CNTN1: variants seen among roughly 807,000 people sequenced by gnomAD.
CNTN1 encodes the protein contactin-1.
A neutral mutation model predicts 126.4 loss-of-function variants in CNTN1; 38 were observed. The ratio of observed to expected loss-of-function variants is 0.30; its 90% CI spans 0.23 to 0.39. CNTN1 has a LOEUF of 0.39. Among genes scored for constraint, CNTN1 ranks in the 10% least tolerant of loss-of-function variants. CNTN1 has a pLI of 1.00. For missense variants in CNTN1, 1,009 were observed against 1,248.4 expected, an observed-to-expected ratio of 0.81 and a Z score of 2.89; for synonymous variants, 413 against 422.6, an observed-to-expected ratio of 0.98 and a Z score of 0.28.
At chr12:41,002,125 T>A (rs1948374633) in intron 17 of CNTN1, among the ~76,000 whole-genome samples, 1 of 151,408 alleles carries the variant, frequency 6.6e-6, no homozygotes, top group Non-Finnish European at 1.5e-5. Context: ...TTATTTTATT[T>A]TTTTGGTTCC....
intron 1 of CNTN1, among the ~76,000 whole-genome samples, chr12:40,711,839 A>G (rs1181464892): frequency 1.3e-5 from 2 of 152,108 alleles, no homozygotes; most frequent in African/African-American, 4.8e-5. Context: ...CAGCTTCCCA[A>G]GTAGCTGGCA....
chr12:40,822,402 G>A (rs1369573255), intron 1 of CNTN1, among the ~76,000 whole-genome samples: 3 of 151,688 alleles, frequency 2.0e-5, no homozygotes, highest in East Asian at 1.9e-4. Flanking sequence ...TGATCCGCTC[G>A]CCTCGGGCTC....
At chr12:41,008,457 G>A (rs573900178) in intron 17 of CNTN1, among the ~76,000 whole-genome samples, 3 of 152,196 alleles carry the variant, frequency 2.0e-5, no homozygotes, top group South Asian at 4.2e-4. Flanking sequence ...TTGCCATTAG[G>A]GGATAATTTC....
At chr12:40,842,167 T>C (rs150728782) in intron 1 of CNTN1, among the ~76,000 whole-genome samples, 31 of 152,170 alleles carry the variant, frequency 2.0e-4, no homozygotes, top group African/African-American at 7.5e-4. Context: ...TTTGAGGAAA[T>C]ACGTACATTT....
At chr12:40,812,446 G>T (rs1941099315) in intron 1 of CNTN1, among the ~76,000 whole-genome samples, 2 of 151,948 alleles carry the variant, frequency 1.3e-5, no homozygotes, top group South Asian at 4.2e-4. Flanking sequence ...GTTTATGTCT[G>T]CTGTTTTCTT....
chr12:40,917,212 G>C (rs902522986), intron 3 of CNTN1, among the ~76,000 whole-genome samples: 8 of 152,088 alleles, frequency 5.3e-5, no homozygotes, highest in Admixed American at 3.3e-4. Flanking sequence ...TTCATGATTA[G>C]TTGAATAGCT....
At chr12:40,896,001 C>A (rs959569139) in intron 1 of CNTN1, 4 of 151,830 alleles carry the variant, frequency 2.6e-5, no homozygotes, top group African/African-American at 9.7e-5. Context: ...CTCCTGACTT[C>A]GTGATCCGCC....
chr12:40,866,225 AT>A (rs1397172902), intron 1 of CNTN1, among the ~76,000 whole-genome samples: 4 of 152,100 alleles, frequency 2.6e-5, no homozygotes, highest in African/African-American at 9.6e-5. Context: ...ATTCCTTAGA[AT>A]TTTCTAAATA....
intron 16 of CNTN1, among the ~76,000 whole-genome samples, chr12:40,986,361 G>GTCAT (rs1188294959): frequency 6.6e-6 from 1 of 152,182 alleles, no homozygotes; most frequent in East Asian, 1.9e-4. Flanking sequence ...GAAAGTGCAT[G>GTCAT]TCATTACTTT....
At chr12:40,700,890 C>T (rs1941578025) in intron 1 of CNTN1, among the ~76,000 whole-genome samples, 1 of 152,158 alleles carries the variant, frequency 6.6e-6, no homozygotes, top group Admixed American at 6.5e-5. Context: ...TGCACATGAC[C>T]ATCTCAAAAC....
At chr12:40,733,153 T>C (rs1261648708) in intron 1 of CNTN1, among the ~76,000 whole-genome samples, 2 of 152,060 alleles carry the variant, frequency 1.3e-5, no homozygotes, top group Non-Finnish European at 2.9e-5. Context: ...TGTATTTGGT[T>C]ATAATATTTT....
At chr12:40,922,014 AC>A (rs1332944373) in intron 4 of CNTN1, among the ~76,000 whole-genome samples, 2 of 152,196 alleles carry the variant, frequency 1.3e-5, no homozygotes, top group African/African-American at 2.4e-5. Flanking sequence ...GAGATACCTC[AC>A]AAAAAAAAGA....
chr12:40,916,258 T>G (rs1025630349), intron 3 of CNTN1, among the ~76,000 whole-genome samples: 1 of 152,066 alleles, frequency 6.6e-6, no homozygotes, highest in East Asian at 1.9e-4. Context: ...CTTGTCTTTT[T>G]AAGCATTTTT....
chr12:40,738,322 T>G (rs1242601616), intron 1 of CNTN1, among the ~76,000 whole-genome samples: 1 of 152,002 alleles, frequency 6.6e-6, no homozygotes, highest in Admixed American at 6.6e-5. Flanking sequence ...CTGTTTTATT[T>G]TGGGAGATGG....
intron 1 of CNTN1, among the ~76,000 whole-genome samples, chr12:40,727,307 A>T (rs1942382106): frequency 6.6e-6 from 1 of 151,978 alleles, no homozygotes; most frequent in Non-Finnish European, 1.5e-5. Flanking sequence ...TAAAGCTGTA[A>T]ATAAAATGAG....
intron 1 of CNTN1, among the ~76,000 whole-genome samples, chr12:40,881,158 T>C (rs1181357305): frequency 6.6e-6 from 1 of 151,930 alleles, no homozygotes; most frequent in Non-Finnish European, 1.5e-5. Flanking sequence ...GAATAATTGT[T>C]GTACTGGAAA....
At chr12:41,026,874 G>T (rs1226674335) in intron 21 of CNTN1, among the ~76,000 whole-genome samples, 1 of 152,150 alleles carries the variant, frequency 6.6e-6, no homozygotes, top group East Asian at 1.9e-4. Flanking sequence ...GACTATTTCA[G>T]CAGTCAAGGA....
intron 1 of CNTN1, among the ~76,000 whole-genome samples, chr12:40,787,943 G>A (rs1299331894): frequency 8.6e-5 from 13 of 152,026 alleles, no homozygotes; most frequent in Admixed American, 5.2e-4. Flanking sequence ...AAACAGAATT[G>A]GTTTGAACCC....
intron 1 of CNTN1, among the ~76,000 whole-genome samples, chr12:40,838,428 A>G (rs1263499238): frequency 1.3e-5 from 2 of 152,186 alleles, no homozygotes; most frequent in East Asian, 1.9e-4. Context: ...CACTTGGCCT[A>G]CTGCTGCCAC....
Sources: allele counts gnomAD v4.1 joint callset (sites outside exome capture counted in the v4.1 genomes callset), GRCh38; gene constraint gnomAD v4.1.1; transcripts MANE v1.5; gene names NCBI Gene and HGNC (gene_info 2026-07-23, HGNC 2026-07-21).